The following JARID2 variants were observed in gnomAD, a reference collection of about 807,000 sequenced individuals.
The protein encoded by JARID2 is jumonji and AT-rich interaction domain containing 2, also known as protein Jumonji.
In JARID2, 21 loss-of-function variants were observed where a neutral mutation model predicts 125.6. The observed-to-expected ratio is 0.17, with a 90% confidence interval of 0.12 to 0.24. JARID2 has a LOEUF of 0.24. JARID2 is among the 10% of genes least tolerant of loss of function. The pLI, the probability that JARID2 is intolerant of heterozygous loss-of-function variation, is 1.00. For synonymous variants in JARID2, 736 were observed against 661.6 expected (o/e 1.11, Z -1.73); for missense variants, 1,303 against 1,639.6 (o/e 0.79, Z 3.55).
At chr6:15,320,231 T>C (rs1043746406) in intron 1 of JARID2, among the ~76,000 whole-genome samples, 11 of 152,334 alleles carry the variant, frequency 7.2e-5, no homozygotes, top group African/African-American at 2.6e-4. Flanking sequence ...AGTGTTAATG[T>C]CCTCTACAAT....
At chr6:15,313,564 C>T (rs1762085121) in intron 1 of JARID2, among the ~76,000 whole-genome samples, 1 of 152,158 alleles carries the variant, frequency 6.6e-6, no homozygotes, top group African/African-American at 2.4e-5. Flanking sequence ...TCTACGCAGG[C>T]TGTTGGTGCC....
intron 1 of JARID2, among the ~76,000 whole-genome samples, chr6:15,259,780 T>C (rs1485094320): frequency 6.6e-6 from 1 of 152,202 alleles, no homozygotes; most frequent in Non-Finnish European, 1.5e-5. Flanking sequence ...GGGTTACTTT[T>C]ATATATTTAT....
rs756117380 is a variant in JARID2, at chr6:15,501,365, G to A, written c.2404G>A (p.Glu802Lys). 4 of 1,574,912 alleles carry A rather than the reference G, an allele frequency of 2.5e-6. No individual in the cohort carries two copies. Among genetic ancestry groups the A allele is most frequent in the Non-Finnish European group, 3.4e-6 (4 of 1,159,798 alleles). The change falls in exon 8 of 18, where the codon GAG (glutamate) becomes AAG (lysine). Residue 802 changes from glutamate to lysine, a missense_variant. Glu to Lys is a moderately conservative substitution (Grantham distance 56, BLOSUM62 1). Around this residue, in one of 11 missense-constraint regions of JARID2, gnomAD observed 124 missense variants for 131.0 expected, o/e 0.95. Coordinates refer to ENST00000341776, the MANE Select transcript of JARID2 (RefSeq NM_004973.4). ...QEKEVVKEEE[E>K]DKGVLNDFHK... Reference sequence around the variant, plus strand: ...AAAAGAAGTGGTCAAGGAAGAGGAGGAGGACAAAGGCGTCCTCAATGACTT... The same window carrying A: ...AAAAGAAGTGGTCAAGGAAGAGGAGAAGGACAAAGGCGTCCTCAATGACTT...
At chr6:15,344,363 T>C (rs1763175353) in intron 1 of JARID2, among the ~76,000 whole-genome samples, 1 of 152,006 alleles carries the variant, frequency 6.6e-6, no homozygotes, top group Non-Finnish European at 1.5e-5. Flanking sequence ...CCTTGGGATG[T>C]GGAGTGTGTG....
At chr6:15,296,414 T>TA (rs1312767167) in intron 1 of JARID2, among the ~76,000 whole-genome samples, 2 of 152,290 alleles carry the variant, frequency 1.3e-5, no homozygotes, top group South Asian at 4.1e-4. Flanking sequence ...TGTTCTTACT[T>TA]AGTTTGTGGT....
rs115607797 is a variant in JARID2 at position 15,320,220 on chromosome 6, C to T, written c.46-53897C>T. 3.0e-3 allele frequency among the ~76,000 whole-genome samples: 458 copies of T among 152,298 alleles called. 1 individual carries two copies. Among genetic ancestry groups the T allele is most frequent in the Non-Finnish European group, 4.4e-3 (302 of 68,034 alleles). On this transcript the variant is annotated intron_variant, in intron 1 of 17. Transcript: ENST00000341776. The stretch of plus-strand genomic sequence containing the variant: ...TGTGAAGAGAATGGAAAATGTATTA[C>T]AGTGTTAATGTCCTCTACAATTCCA...
At chr6:15,517,825 G>GC (rs1771638427) in intron 17 of JARID2, among the ~76,000 whole-genome samples, 1 of 152,238 alleles carries the variant, frequency 6.6e-6, no homozygotes, top group Non-Finnish European at 1.5e-5. Flanking sequence ...TGGCAGCAGT[G>GC]CCTCTCCCCT....
intron 1 of JARID2, among the ~76,000 whole-genome samples, chr6:15,272,286 C>G (rs910184946): frequency 1.3e-5 from 2 of 152,234 alleles, no homozygotes; most frequent in African/African-American, 4.8e-5. Flanking sequence ...AGACAGCTAG[C>G]TATAATGCGT....
chr6:15,474,310 A>G (rs541097332), intron 5 of JARID2, among the ~76,000 whole-genome samples: 1 of 152,326 alleles, frequency 6.6e-6, no homozygotes, highest in East Asian at 1.9e-4. Flanking sequence ...CATGCCCAAC[A>G]TTGCTACTTC....
At chr6:15,494,531 C>T (rs941511479) in intron 6 of JARID2, among the ~76,000 whole-genome samples, 3 of 150,308 alleles carry the variant, frequency 2.0e-5, no homozygotes, top group Non-Finnish European at 2.9e-5. Flanking sequence ...GCCTCAGCCT[C>T]CCAAGTAGCT....
At chr6:15,322,814 G>T (rs145749706) in intron 1 of JARID2, among the ~76,000 whole-genome samples, 265 of 152,310 alleles carry the variant, frequency 1.7e-3, no homozygotes, top group African/African-American at 6.1e-3. Flanking sequence ...GAGAAGAGGG[G>T]ATAGTTGATT....
At chr6:15,356,170 T>G (rs896620703) in intron 1 of JARID2, among the ~76,000 whole-genome samples, 4 of 152,252 alleles carry the variant, frequency 2.6e-5, no homozygotes, top group African/African-American at 4.8e-5. Flanking sequence ...AATATCCTAT[T>G]GTAAGTATAT....
intron 1 of JARID2, among the ~76,000 whole-genome samples, chr6:15,280,978 G>A (rs981835564): frequency 1.3e-5 from 2 of 152,126 alleles, no homozygotes; most frequent in Non-Finnish European, 2.9e-5. Context: ...GTCTTATGCT[G>A]CAAAATACGC....
chr6:15,284,710 C>T (rs1760926981), intron 1 of JARID2, among the ~76,000 whole-genome samples: 1 of 152,042 alleles, frequency 6.6e-6, no homozygotes, highest in South Asian at 2.1e-4. Flanking sequence ...TGGTCTTGAA[C>T]TCCTGACTTC....
At chr6:15,490,599 G>A (rs1322764197) in intron 6 of JARID2, among the ~76,000 whole-genome samples, 1 of 152,202 alleles carries the variant, frequency 6.6e-6, no homozygotes, top group Non-Finnish European at 1.5e-5. Flanking sequence ...GTCATGGAAT[G>A]CACATGCCTG....
chr6:15,444,505 A>G (rs1327348631), intron 3 of JARID2, among the ~76,000 whole-genome samples: 3 of 152,100 alleles, frequency 2.0e-5, no homozygotes, highest in Non-Finnish European at 4.4e-5. Context: ...TCCAGTGCGC[A>G]CACACACGGG....
At chr6:15,435,783 T>C (rs573533411) in intron 3 of JARID2, among the ~76,000 whole-genome samples, 1 of 152,208 alleles carries the variant, frequency 6.6e-6, no homozygotes, top group South Asian at 2.1e-4. Context: ...ATAAGCTGTT[T>C]GGCACATTGG....
intron 1 of JARID2, among the ~76,000 whole-genome samples, chr6:15,255,133 G>A (rs1212035727): frequency 1.4e-5 from 2 of 147,782 alleles, no homozygotes; most frequent in Non-Finnish European, 3.0e-5. Flanking sequence ...GGTAAACTAG[G>A]AATTCTTTTT....
At chr6:15,349,016 G>T (rs941687967) in intron 1 of JARID2, among the ~76,000 whole-genome samples, 7 of 152,194 alleles carry the variant, frequency 4.6e-5, no homozygotes, top group African/African-American at 1.7e-4. Flanking sequence ...CACATTAACT[G>T]TGTGTGTATT....
Sources: gnomAD v4.1 joint callset for allele counts (sites outside exome capture counted in the v4.1 genomes callset) on GRCh38, gnomAD v4.1.1 for gene constraint, gnomAD v4.1.1 regional missense constraint, MANE v1.5 for transcripts, NCBI Gene and HGNC (gene_info 2026-07-23, HGNC 2026-07-21) for gene names.